FRRS1L: variants seen among roughly 807,000 people sequenced by gnomAD.
FRRS1L encodes the protein DOMON domain-containing protein FRRS1L.
FRRS1L carries 22 observed loss-of-function variants against 28.6 expected under a neutral mutation model. The observed-to-expected ratio is 0.77, with a 90% CI of 0.55 to 1.10. FRRS1L has a LOEUF of 1.10. Among genes scored for constraint, FRRS1L ranks in the 50% least tolerant of loss-of-function variants. FRRS1L has a pLI of 0.00. For synonymous variants in FRRS1L, 158 were observed against 151.4 expected, an observed-to-expected ratio of 1.04 and a Z score of -0.32; for missense variants, 380 against 386.9, an observed-to-expected ratio of 0.98 and a Z score of 0.15.
At position 109,157,531 on chromosome 9, in the gene FRRS1L, C is replaced by T. The variant is rs1831426380; in HGVS notation, c.239-7811G>A. Among the ~76,000 whole-genome samples, 3 of 152,170 alleles carry T rather than the reference C, an allele frequency of 2.0e-5. No homozygotes were observed. The East Asian group carries it at 5.8e-4, about 29-fold the overall frequency. On this transcript the variant is annotated intron_variant, in intron 1 of 4. Coordinates refer to ENST00000561981, the MANE Select transcript of FRRS1L (RefSeq NM_014334.4). ...CACCCTGAGCAGCTGGGACCACAGG[C>T]AGGTGCCACCATGCCTGGCTAATTT...
intron 1 of FRRS1L, among the ~76,000 whole-genome samples, chr9:109,152,976 A>G (rs901695144): frequency 2.0e-5 from 3 of 152,274 alleles, no homozygotes; most frequent in Admixed American, 6.5e-5. Flanking sequence ...ATTATCATAT[A>G]TGCTTCTAAA....
chr9:109,147,864 A>G (rs1831283236), intron 2 of FRRS1L: 1 of 152,074 alleles, frequency 6.6e-6, no homozygotes, highest in Non-Finnish European at 1.5e-5. Context: ...CTTCACTTTT[A>G]TCTGTTTGAA....
intron 1 of FRRS1L, chr9:109,150,372 A>C (rs1969338): frequency 0.32 from 48,437 of 151,950 alleles, 8,100 homozygotes; most frequent in Middle Eastern, 0.37. Flanking sequence ...CCGGCCATCA[A>C]ACCCGGCTAA....
intron 1 of FRRS1L, among the ~76,000 whole-genome samples, chr9:109,154,226 G>C (rs1342831180): frequency 6.6e-6 from 1 of 152,092 alleles, no homozygotes; most frequent in Non-Finnish European, 1.5e-5. Flanking sequence ...ATAATCTCAA[G>C]CCCTTCTCTT....
At position 109,137,550 on chromosome 9, in the gene FRRS1L, A is replaced by C. The variant is rs1361751302; in HGVS notation, c.787T>G (p.Phe263Val). 1.2e-6 allele frequency: 2 copies of C among 1,613,494 alleles called. No individual in the cohort carries two copies. The highest frequency in any genetic ancestry group is 2.2e-5 in the East Asian group (1 of 44,872). ...GTTTGATAGGCAGCTGATGGCATAAAAATGTCTTCATACTTGTAAATACTG... is the reference window on the plus strand; with the variant it reads ...GTTTGATAGGCAGCTGATGGCATAACAATGTCTTCATACTTGTAAATACTG... Reference protein sequence around the residue: ...VVSIYKYEDIFMPSAAYQTFS... With the variant: ...VVSIYKYEDIVMPSAAYQTFS... The change falls in exon 5 of 5, where the codon TTT (phenylalanine) becomes GTT (valine). Residue 263 changes from phenylalanine (F) to valine (V), a missense_variant. Coordinates refer to ENST00000561981, the MANE Select transcript of FRRS1L (RefSeq NM_014334.4).
Position 109,167,122 on chromosome 9 carries a change from CG to C in FRRS1L, c.16del (p.Arg6GlyfsTer15), listed in dbSNP as rs1288141121. 1.7e-6 allele frequency: 2 copies of C among 1,164,144 alleles called. No homozygotes were observed. Among genetic ancestry groups the C allele is most frequent in the Non-Finnish European group, 2.1e-6 (2 of 946,784 alleles). 72.1% of individuals were successfully genotyped at this position (1,164,144 alleles called of 1,614,324 possible). A position where few individuals can be genotyped will look rare whatever the true frequency, so the allele number is the denominator to read the frequency against. MARPPRQHPGVWASLL... is the reference protein window; with the variant it reads MARPPXQHPGVWASLL... ...CGACGCCCAGACCCCCGGGTGCTGC[CG>C]GGGCGGCCGCGCCATCCGTGCGCAC... On this transcript the variant is annotated frameshift_variant, in exon 1 of 5. Coordinates refer to ENST00000561981, the MANE Select transcript of FRRS1L (RefSeq NM_014334.4). LOFTEE classifies it high-confidence loss of function.
intron 1 of FRRS1L, among the ~76,000 whole-genome samples, chr9:109,165,728 A>G (rs1451742793): frequency 6.6e-6 from 1 of 152,206 alleles, no homozygotes; most frequent in Non-Finnish European, 1.5e-5. Flanking sequence ...GTTGTGGCCA[A>G]AGAAGTATAA....
Position 109,131,253 on chromosome 9 carries a change from A to C in FRRS1L, c.*6202T>G, listed in dbSNP as rs545015573. 1 of 152,340 alleles carries C rather than the reference A, an allele frequency of 6.6e-6. No individual in the cohort carries two copies. Among genetic ancestry groups the C allele is most frequent in the Non-Finnish European group, 1.5e-5 (1 of 68,030 alleles). The allele number at this position is 152,340 out of a possible 1,614,324, so 9.4% of individuals were successfully genotyped here. The stretch of plus-strand genomic sequence containing the variant: ...TGGTTTCTTAACTAACAGTATAGAA[A>C]AGTCACATTCAACAGTGGTACTTTA... On this transcript the variant is annotated 3_prime_UTR_variant, in exon 5 of 5. Coordinates refer to ENST00000561981, the MANE Select transcript of FRRS1L (RefSeq NM_014334.4).
At chr9:109,139,723 A>C (rs1831156582) in intron 4 of FRRS1L, 1 of 152,208 alleles carries the variant, frequency 6.6e-6, no homozygotes, top group Admixed American at 6.5e-5. Flanking sequence ...ACTGTTGGTA[A>C]TCTGGGAAAT....
At chr9:109,143,388 TAA>T (rs1353194553) in intron 3 of FRRS1L, among the ~76,000 whole-genome samples, 1 of 152,162 alleles carries the variant, frequency 6.6e-6, no homozygotes, top group Non-Finnish European at 1.5e-5. Flanking sequence ...AGGATGTTGA[TAA>T]TGGGGGAGGC....
At chr9:109,160,832 G>A (rs1340750762) in intron 1 of FRRS1L, among the ~76,000 whole-genome samples, 3 of 130,794 alleles carry the variant, frequency 2.3e-5, no homozygotes, top group African/African-American at 5.9e-5. Flanking sequence ...TCGCTCTGTC[G>A]CCCAAGCTGG....
At chr9:109,144,602 C>A (rs920150908) in intron 3 of FRRS1L, among the ~76,000 whole-genome samples, 11 of 151,950 alleles carry the variant, frequency 7.2e-5, no homozygotes, top group African/African-American at 2.7e-4. Context: ...CGACCTCAAG[C>A]AATCCACCTG....
intron 3 of FRRS1L, among the ~76,000 whole-genome samples, chr9:109,143,516 C>CT (rs371939320): frequency 0.74 from 99,466 of 135,004 alleles, 36,998 homozygotes; most frequent in East Asian, 0.85. Flanking sequence ...AATAATGCAC[C>CT]TTTTTTTTTT....
chr9:109,144,475 A>G (rs4978771), intron 3 of FRRS1L, among the ~76,000 whole-genome samples: 117,618 of 151,902 alleles, frequency 0.77, 45,650 homozygotes, highest in African/African-American at 0.8. Context: ...AGCAATTCTC[A>G]TGCCTCTGCC....
In FRRS1L at chr9:109,133,976, T is replaced by A. The variant is rs1831085125; in HGVS notation, c.*3479A>T. ...GATAATGGTCAAAGGCCATTCTGTA[T>A]CACTGGTGTGAATTCTTATTTCTGA... On this transcript the variant is annotated 3_prime_UTR_variant, in exon 5 of 5. Transcript: ENST00000561981. The A allele has an allele frequency of 6.6e-6, 1 of 152,244 alleles. No individual in the cohort carries two copies. Among genetic ancestry groups the A allele is most frequent in the Non-Finnish European group, 1.5e-5 (1 of 68,042 alleles). The allele number at this position is 152,244 out of a possible 1,614,324, so 9.4% of individuals were successfully genotyped here.
At chr9:109,163,989 C>T (rs138598442) in intron 1 of FRRS1L, among the ~76,000 whole-genome samples, 181 of 152,304 alleles carry the variant, frequency 1.2e-3, no homozygotes, top group Non-Finnish European at 1.7e-3. Context: ...AGGAAACAGG[C>T]TCTTTTCCTT....
At chr9:109,157,553 A>G (rs538850341) in intron 1 of FRRS1L, among the ~76,000 whole-genome samples, 79 of 152,182 alleles carry the variant, frequency 5.2e-4, no homozygotes, top group African/African-American at 1.8e-3. Context: ...TGCCTGGCTA[A>G]TTTTTAAATT....
rs1188998293 is a variant in FRRS1L, at chr9:109,133,189, G to A, written c.*4266C>T. ...CAGCGGAGCAATAAAAAAAGCACTG[G>A]GCTCCAAGTTAGAAGACCTAGGTTT... On this transcript the variant is annotated 3_prime_UTR_variant, in exon 5 of 5. Coordinates refer to ENST00000561981, the MANE Select transcript of FRRS1L (RefSeq NM_014334.4). 1 of 152,022 alleles carries A rather than the reference G, an allele frequency of 6.6e-6. No homozygotes were observed. Among genetic ancestry groups the A allele is most frequent in the East Asian group, 1.9e-4 (1 of 5,190 alleles). The allele number at this position is 152,022 out of a possible 1,614,324, so 9.4% of individuals were successfully genotyped here.
At chr9:109,145,244 C>T (rs1035559563) in intron 3 of FRRS1L, among the ~76,000 whole-genome samples, 1 of 152,226 alleles carries the variant, frequency 6.6e-6, no homozygotes, top group African/African-American at 2.4e-5. Context: ...CCAGTGATGA[C>T]AGCTGCCTGT....
Sources: gnomAD v4.1 joint callset for allele counts (sites outside exome capture counted in the v4.1 genomes callset) on GRCh38, gnomAD v4.1.1 for gene constraint, MANE v1.5 for transcripts, NCBI Gene and HGNC (gene_info 2026-07-23, HGNC 2026-07-21) for gene names.